NCMAP: variants seen among roughly 807,000 people sequenced by gnomAD.
The protein encoded by NCMAP is noncompact myelin-associated protein.
In NCMAP, 8 loss-of-function variants were observed where a neutral mutation model predicts 7.8. The observed-to-expected ratio is 1.02, with a 90% CI of 0.60 to 1.84. NCMAP has a LOEUF of 1.84. Among genes scored for constraint, NCMAP ranks in the 40% most tolerant of loss-of-function variants. The pLI, the probability that NCMAP is intolerant of heterozygous loss-of-function variation, is 0.00. For synonymous variants in NCMAP, 41 were observed against 52.9 expected (o/e 0.78, Z 0.98); for missense variants, 112 against 131.4 (o/e 0.85, Z 0.72).
chr1:24,569,946 C>T (rs920183430), intron 1 of NCMAP, among the ~76,000 whole-genome samples: 3 of 150,136 alleles, frequency 2.0e-5, no homozygotes, highest in Non-Finnish European at 4.4e-5. Context: ...AGTTTCCTCA[C>T]TTAAAAAAAA....
chr1:24,562,722 C>T (rs1272198374), intron 1 of NCMAP, among the ~76,000 whole-genome samples: 1 of 152,208 alleles, frequency 6.6e-6, no homozygotes, highest in Non-Finnish European at 1.5e-5. Context: ...ATTATAAAAA[C>T]AGGCAAGGGA....
chr1:24,587,938 T>G (rs1300990813), intron 1 of NCMAP, among the ~76,000 whole-genome samples: 1 of 151,650 alleles, frequency 6.6e-6, no homozygotes, highest in African/African-American at 2.4e-5. Flanking sequence ...AATTTTCTTT[T>G]TCTTTTATTT....
intron 1 of NCMAP, among the ~76,000 whole-genome samples, chr1:24,565,572 TTGTGTGTGTGTGTGTGTGTGTGTG>T (rs58714256): frequency 7.0e-6 from 1 of 143,672 alleles, no homozygotes; most frequent in Non-Finnish European, 1.5e-5. Context: ...TGATAGAAGA[TTGTGTGTGTGTGTGTGTGTGTGTG>T]TGTGTGTGTG....
intron 2 of NCMAP, among the ~76,000 whole-genome samples, chr1:24,600,157 T>C (rs1266802562): frequency 6.7e-6 from 1 of 150,218 alleles, no homozygotes; most frequent in Non-Finnish European, 1.5e-5. Context: ...TATGTATTTA[T>C]TTTTATTTTT....
intron 1 of NCMAP, among the ~76,000 whole-genome samples, chr1:24,577,401 G>GTTTTTTTTTGTTTTTT (rs1651605073): frequency 1.0e-4 from 4 of 39,962 alleles, no homozygotes; most frequent in African/African-American, 3.2e-4. Context: ...CACTGGCCTT[G>GTTTTTTTTTGTTTTTT]TTTTTTTTTT....
Position 24,600,922 on chromosome 1 carries a change from C to T in NCMAP, c.83-18C>T, listed in dbSNP as rs777470341. On this transcript the variant is annotated intron_variant, in intron 2 of 3. Coordinates refer to ENST00000374392, the MANE Select transcript of NCMAP (RefSeq NM_001010980.5). ...TCAGTTTGCACATTCACGGTCTCTG[C>T]TTCTCTCCTTTCTGTAGGTTCTGGA... is the stretch of plus-strand genomic sequence containing the variant. The T allele has an allele frequency of 9.9e-6, 16 of 1,612,300 alleles. No homozygotes were observed. The highest frequency in any genetic ancestry group is 1.4e-5 in the Non-Finnish European group (16 of 1,178,594).
chr1:24,590,581 C>T (rs1403975573), intron 1 of NCMAP, among the ~76,000 whole-genome samples: 1 of 152,052 alleles, frequency 6.6e-6, no homozygotes, highest in Non-Finnish European at 1.5e-5. Context: ...TCATACTTGT[C>T]TGTGCTTTTA....
At chr1:24,601,128 C>A in intron 3 of NCMAP, 104 bp downstream of exon 3, 1 of 909,584 alleles carries the variant, frequency 1.1e-6, no homozygotes, top group African/African-American at 1.6e-5. Flanking sequence ...TGGCAGTATC[C>A]CTCAGCCTTT....
chr1:24,575,739 A>G (rs897680803), intron 1 of NCMAP, among the ~76,000 whole-genome samples: 1 of 151,898 alleles, frequency 6.6e-6, no homozygotes, highest in African/African-American at 2.4e-5. Context: ...TGAGGTCAGG[A>G]GTTTGAGACC....
At chr1:24,569,026 GTTTTT>G (rs112157881) in intron 1 of NCMAP, among the ~76,000 whole-genome samples, 3 of 150,486 alleles carry the variant, frequency 2.0e-5, no homozygotes, top group African/African-American at 7.3e-5. Context: ...GTTTTGTTTT[GTTTTT>G]TTTTGGAGAC....
At chr1:24,598,652 C>T (rs1011657005) in intron 2 of NCMAP, among the ~76,000 whole-genome samples, 1 of 150,158 alleles carries the variant, frequency 6.7e-6, no homozygotes, top group Non-Finnish European at 1.5e-5. Flanking sequence ...TTTTTTGAGA[C>T]ACAGTCTCAC....
At chr1:24,566,200 T>G (rs1299026397) in intron 1 of NCMAP, among the ~76,000 whole-genome samples, 1 of 152,194 alleles carries the variant, frequency 6.6e-6, no homozygotes, top group Non-Finnish European at 1.5e-5. Context: ...CAGGCTGGTC[T>G]CTAACTCCTG....
intron 1 of NCMAP, among the ~76,000 whole-genome samples, chr1:24,592,138 C>T (rs565862112): frequency 1.3e-5 from 2 of 152,196 alleles, no homozygotes; most frequent in Non-Finnish European, 2.9e-5. Context: ...AGGGAGTGCC[C>T]TGCTGTCACA....
At chr1:24,604,591 AAAAAAAAAAAAAAAATATATAT>A (rs1652625354) in intron 3 of NCMAP, among the ~76,000 whole-genome samples, 1 of 62,730 alleles carries the variant, frequency 1.6e-5, no homozygotes, top group Non-Finnish European at 2.7e-5. Context: ...AAAAAAAAAA[AAAAAAAAAAAAAAAATATATAT>A]ATATATATAT....
intron 2 of NCMAP, among the ~76,000 whole-genome samples, chr1:24,598,210 C>T (rs56312208): frequency 0.035 from 5,316 of 152,264 alleles, 148 homozygotes; most frequent in Middle Eastern, 0.12. Flanking sequence ...TATTTGCACA[C>T]GGTTGTTTGC....
chr1:24,589,653 G>A (rs1651988150), intron 1 of NCMAP: 1 of 152,874 alleles, frequency 6.5e-6, no homozygotes, highest in Non-Finnish European at 1.5e-5. Context: ...GTGCATGTGT[G>A]TGCCTCCATG....
intron 1 of NCMAP, among the ~76,000 whole-genome samples, chr1:24,594,890 TA>T (rs915226680): frequency 2.3e-4 from 26 of 112,120 alleles, no homozygotes; most frequent in Non-Finnish European, 4.2e-4. Flanking sequence ...GACCTTTATG[TA>T]AAAAAAAAAT....
Position 24,608,111 on chromosome 1 carries a change from C to G in NCMAP, c.*2364C>G, listed in dbSNP as rs1372710248. On this transcript the variant is annotated 3_prime_UTR_variant, in exon 4 of 4. Coordinates refer to ENST00000374392, the MANE Select transcript of NCMAP (RefSeq NM_001010980.5). ...TCATAGGATTAAATTTTCCCAAAAACCTGGGGAGGAATTATTTTTTCCAAA... is the reference window on the plus strand; with the variant it reads ...TCATAGGATTAAATTTTCCCAAAAAGCTGGGGAGGAATTATTTTTTCCAAA... The G allele has an allele frequency of 6.6e-6, 1 of 152,128 alleles. No individual in the cohort carries two copies. The highest frequency in any genetic ancestry group is 1.5e-5 in the Non-Finnish European group (1 of 68,026). The allele number at this position is 152,128 out of a possible 1,614,324, so 9.4% of individuals were successfully genotyped here.
chr1:24,597,669 A>AAGAAAGAG lies in NCMAP; in HGVS notation c.82+2162_82+2163insGAGAGAAA, dbSNP rs1427045249. On this transcript the variant is annotated intron_variant, in intron 2 of 3. Coordinates refer to ENST00000374392, the MANE Select transcript of NCMAP (RefSeq NM_001010980.5). ...AAAGAAAGAAAGAAAGAAAGAAAGA[A>AAGAAAGAG]AGAAAAGAAAAAGAAAGAAAGAAAG... 5.1e-4 allele frequency among the ~76,000 whole-genome samples: 71 copies of AAGAAAGAG among 139,708 alleles called. 3 individuals carry two copies. The highest frequency in any genetic ancestry group is 3.0e-3 in the South Asian group (12 of 4,066). 91.7% of individuals were successfully genotyped at this position (139,708 alleles called of 152,430 possible).
Sources: gnomAD v4.1 joint callset for allele counts (sites outside exome capture counted in the v4.1 genomes callset) on GRCh38, gnomAD v4.1.1 for gene constraint, MANE v1.5 for transcripts, NCBI Gene and HGNC (gene_info 2026-07-23, HGNC 2026-07-21) for gene names.